The following PPP1R12B variants were observed in gnomAD, a reference collection of about 807,000 sequenced individuals.
PPP1R12B encodes the protein protein phosphatase 1 regulatory subunit 12B, also known as myosin phosphatase target subunit 2.
PPP1R12B carries 76 observed loss-of-function variants against 126.1 expected under a neutral mutation model. That is an observed-to-expected ratio of 0.60 (90% CI 0.50 to 0.73). PPP1R12B has a LOEUF of 0.73. Among genes scored for constraint, PPP1R12B ranks in the 30% least tolerant of loss-of-function variants. The pLI is 0.00. For synonymous variants in PPP1R12B, 356 were observed against 434.7 expected (o/e 0.82, Z 2.25); for missense variants, 1,052 against 1,205.1 (o/e 0.87, Z 1.88).
chr1:202,404,990 T>C (rs762937764), intron 1 of PPP1R12B, among the ~76,000 whole-genome samples: 2 of 152,210 alleles, frequency 1.3e-5, no homozygotes, highest in Non-Finnish European at 2.9e-5. Context: ...TATTACTACA[T>C]CTCCACCTGA....
At chr1:202,507,652 G>T (rs1318727584) in intron 18 of PPP1R12B, among the ~76,000 whole-genome samples, 1 of 152,192 alleles carries the variant, frequency 6.6e-6, no homozygotes, top group Admixed American at 6.5e-5. Flanking sequence ...GTCAACTTGA[G>T]CATTCCTGGG....
intron 18 of PPP1R12B, among the ~76,000 whole-genome samples, chr1:202,533,611 G>A (rs10920420): frequency 0.08 from 12,239 of 152,088 alleles, 1,037 homozygotes; most frequent in East Asian, 0.4. Flanking sequence ...GAGCCATCAC[G>A]CCTGGCTGAC....
In PPP1R12B at chr1:202,586,176, T is replaced by C. The variant is rs764068699; in HGVS notation, c.*5616T>C. The C allele has an allele frequency of 1.3e-5, 2 of 152,274 alleles. No individual in the cohort carries two copies. The highest frequency in any genetic ancestry group is 6.5e-5 in the Admixed American group (1 of 15,286). 9.4% of individuals were successfully genotyped at this position (152,274 alleles called of 1,614,324 possible). A position where few individuals can be genotyped will look rare whatever the true frequency, so the allele number is the denominator to read the frequency against. On this transcript the variant is annotated 3_prime_UTR_variant, in exon 24 of 24. Transcript: ENST00000608999. ...TCTGAAGAGGAGACTACCAAAGCAG[T>C]GTTTACAAACCCAGAGTCCACACAA...
At chr1:202,436,905 GCT>G (rs1301160029) in intron 9 of PPP1R12B, among the ~76,000 whole-genome samples, 1 of 151,292 alleles carries the variant, frequency 6.6e-6, no homozygotes, top group Non-Finnish European at 1.5e-5. Context: ...GAAATCTAAA[GCT>G]CTCTAAACTG....
At chr1:202,493,632 T>C (rs1488689426) in intron 15 of PPP1R12B, among the ~76,000 whole-genome samples, 2 of 152,250 alleles carry the variant, frequency 1.3e-5, no homozygotes, top group Admixed American at 6.5e-5. Flanking sequence ...ACTCAATACA[T>C]GCTTACTTTA....
At chr1:202,439,103 G>T in intron 10 of PPP1R12B, 4 of 1,531,400 alleles carry the variant, frequency 2.6e-6, no homozygotes, top group Non-Finnish European at 3.6e-6. Context: ...CGCCAAAGTG[G>T]ACATGACGTT....
chr1:202,525,367 T>A (rs966854654), intron 18 of PPP1R12B, among the ~76,000 whole-genome samples: 2 of 151,932 alleles, frequency 1.3e-5, no homozygotes, highest in African/African-American at 4.8e-5. Flanking sequence ...GTATCTGGTG[T>A]CCTTTCCAGT....
At chr1:202,377,141 G>A (rs1424056783) in intron 1 of PPP1R12B, among the ~76,000 whole-genome samples, 2 of 152,086 alleles carry the variant, frequency 1.3e-5, no homozygotes, top group Non-Finnish European at 1.5e-5. Flanking sequence ...ACAACTAGCT[G>A]TTTAAGGCGG....
intron 3 of PPP1R12B, among the ~76,000 whole-genome samples, chr1:202,424,544 G>A (rs542436687): frequency 2.6e-4 from 39 of 152,050 alleles, no homozygotes; most frequent in African/African-American, 9.2e-4. Flanking sequence ...GGCTTGTCTC[G>A]AACTCTGATC....
At chr1:202,397,632 T>C (rs1205506241) in intron 1 of PPP1R12B, among the ~76,000 whole-genome samples, 1 of 152,222 alleles carries the variant, frequency 6.6e-6, no homozygotes, top group African/African-American at 2.4e-5. Context: ...CATTATAACT[T>C]ACATTATTCC....
At chr1:202,386,457 A>T (rs1663153683) in intron 1 of PPP1R12B, among the ~76,000 whole-genome samples, 2 of 150,080 alleles carry the variant, frequency 1.3e-5, no homozygotes, top group Non-Finnish European at 3.0e-5. Context: ...TCAGCCTCCC[A>T]AGTAGCTGGG....
intron 13 of PPP1R12B, among the ~76,000 whole-genome samples, chr1:202,463,507 A>G (rs1356098129): frequency 6.6e-6 from 1 of 152,172 alleles, no homozygotes; most frequent in Non-Finnish European, 1.5e-5. Context: ...AGAAAAAAGT[A>G]TTGTTGGATA....
At chr1:202,550,323 C>T (rs1257114008) in intron 18 of PPP1R12B, among the ~76,000 whole-genome samples, 3 of 152,150 alleles carry the variant, frequency 2.0e-5, no homozygotes, top group African/African-American at 2.4e-5. Flanking sequence ...TATGAAAAAA[C>T]CCGTCTCTTC....
chr1:202,500,202 G>GCTGTCTCTCTCTCTTGCTCTCT (rs1392468775), intron 18 of PPP1R12B, among the ~76,000 whole-genome samples: 19 of 146,276 alleles, frequency 1.3e-4, no homozygotes, highest in Admixed American at 5.6e-4. Context: ...TGGTGCTCTC[G>GCTGTCTCTCTCTCTTGCTCTCT]CTGTCTCTCT....
chr1:202,455,593 A>C (rs1207359544), intron 13 of PPP1R12B, among the ~76,000 whole-genome samples: 1 of 152,204 alleles, frequency 6.6e-6, no homozygotes, highest in Non-Finnish European at 1.5e-5. Flanking sequence ...AGATAATGCC[A>C]CATTTTGTTT....
chr1:202,549,203 C>T (rs1686037581), intron 18 of PPP1R12B, among the ~76,000 whole-genome samples: 1 of 152,124 alleles, frequency 6.6e-6, no homozygotes, highest in Non-Finnish European at 1.5e-5. Flanking sequence ...AAGGCCCCAA[C>T]TTATGTAAGA....
intron 13 of PPP1R12B, among the ~76,000 whole-genome samples, chr1:202,485,039 A>G (rs1433175492): frequency 2.0e-5 from 3 of 152,160 alleles, no homozygotes; most frequent in Non-Finnish European, 4.4e-5. Flanking sequence ...CCACGGTAGA[A>G]CTGGTTGTTG....
At chr1:202,505,389 TAGC>T (rs1218768260) in intron 18 of PPP1R12B, among the ~76,000 whole-genome samples, 1 of 152,190 alleles carries the variant, frequency 6.6e-6, no homozygotes, top group South Asian at 2.1e-4. Flanking sequence ...TTTGAGTAAA[TAGC>T]AGCCCTTTTT....
intron 18 of PPP1R12B, among the ~76,000 whole-genome samples, chr1:202,542,127 G>C (rs1316107986): frequency 6.6e-6 from 1 of 152,176 alleles, no homozygotes; most frequent in Non-Finnish European, 1.5e-5. Context: ...CTGACACTAA[G>C]GACTGGTTAT....
Sources: allele counts gnomAD v4.1 joint callset (sites outside exome capture counted in the v4.1 genomes callset), GRCh38; gene constraint gnomAD v4.1.1; transcripts MANE v1.5; gene names NCBI Gene and HGNC (gene_info 2026-07-23, HGNC 2026-07-21).